RNF152: variants seen among roughly 807,000 people sequenced by gnomAD.
RNF152 encodes E3 ubiquitin-protein ligase RNF152.
RNF152 carries 11 observed loss-of-function variants against 12.7 expected under a neutral mutation model. That is an observed-to-expected ratio of 0.86 (90% CI 0.54 to 1.43). The LOEUF is 1.43. Ranked by LOEUF, RNF152 falls within the 40% of genes most tolerant of loss-of-function variation. The pLI is 0.00. For synonymous variants in RNF152, 113 were observed against 120.3 expected (o/e 0.94, Z 0.40); for missense variants, 255 against 274.8 (o/e 0.93, Z 0.51).
At chr18:61,833,922 T>C (rs1029344501) in intron 1 of RNF152, among the ~76,000 whole-genome samples, 4 of 152,172 alleles carry the variant, frequency 2.6e-5, no homozygotes, top group Non-Finnish European at 5.9e-5. Flanking sequence ...AAATATCAGA[T>C]GCGCTAAGAA....
rs1359180449 is a variant in RNF152, at chr18:61,885,626, T to G, written c.-136+7169A>C. Among the ~76,000 whole-genome samples the G allele has an allele frequency of 2.0e-5, 3 of 152,202 alleles. 1 individual carries two copies. Among genetic ancestry groups the G allele is most frequent in the Middle Eastern group, 6.3e-3 (2 of 316 alleles). ...CCCAGCCGAGAGCGTTATTTTAATA[T>G]TAATGTATTTCTGGTCATTTTCTTC... On this transcript the variant is annotated intron_variant, in intron 1 of 1. Transcript: ENST00000312828.
intron 1 of RNF152, among the ~76,000 whole-genome samples, chr18:61,852,105 C>A (rs1237524105): frequency 6.6e-6 from 1 of 152,108 alleles, no homozygotes; most frequent in African/African-American, 2.4e-5. Context: ...TATGACGAGG[C>A]CAGCAGCAAT....
At position 61,814,184 on chromosome 18, in the gene RNF152, T is replaced by C. The variant is rs1379351430; in HGVS notation, c.*1668A>G. On this transcript the variant is annotated 3_prime_UTR_variant, in exon 2 of 2. Coordinates refer to ENST00000312828, the MANE Select transcript of RNF152 (RefSeq NM_173557.3). ...TATTTCACATTAATTCCATCACTTTTATATGCATATTTTGTGCTGCTTGAA... is the reference window on the plus strand; with the variant it reads ...TATTTCACATTAATTCCATCACTTTCATATGCATATTTTGTGCTGCTTGAA... The C allele has an allele frequency of 1.3e-5, 2 of 152,252 alleles. No homozygotes were observed. Among genetic ancestry groups the C allele is most frequent in the African/African-American group, 4.8e-5 (2 of 41,468 alleles). 9.4% of individuals were successfully genotyped at this position (152,252 alleles called of 1,614,324 possible).
At chr18:61,877,816 C>T (rs930046286) in intron 1 of RNF152, among the ~76,000 whole-genome samples, 2 of 152,184 alleles carry the variant, frequency 1.3e-5, no homozygotes, top group African/African-American at 2.4e-5. Context: ...GGCACGGCTG[C>T]TTCAGCAAAG....
intron 1 of RNF152, among the ~76,000 whole-genome samples, chr18:61,891,192 T>C (rs771988282): frequency 1.3e-5 from 2 of 152,220 alleles, no homozygotes; most frequent in East Asian, 1.9e-4. Flanking sequence ...ATCAGCCTAA[T>C]AGCCTCTAGG....
At chr18:61,833,491 TTTAA>T (rs1350782757) in intron 1 of RNF152, among the ~76,000 whole-genome samples, 1 of 152,166 alleles carries the variant, frequency 6.6e-6, no homozygotes, top group African/African-American at 2.4e-5. Context: ...AAATGATGGT[TTTAA>T]TTGTCGAAAC....
intron 1 of RNF152, among the ~76,000 whole-genome samples, chr18:61,864,794 G>A (rs1473020938): frequency 6.6e-6 from 1 of 152,182 alleles, no homozygotes; most frequent in Admixed American, 6.5e-5. Flanking sequence ...CGCCTGCCGA[G>A]GCAGGTGGAT....
At chr18:61,851,304 G>A (rs1026733505) in intron 1 of RNF152, among the ~76,000 whole-genome samples, 11 of 152,108 alleles carry the variant, frequency 7.2e-5, no homozygotes, top group African/African-American at 2.2e-4. Flanking sequence ...TCACAAGGGT[G>A]TCCACTCTGC....
intron 1 of RNF152, among the ~76,000 whole-genome samples, chr18:61,850,146 T>C (rs905286272): frequency 1.3e-5 from 2 of 152,248 alleles, no homozygotes; most frequent in African/African-American, 4.8e-5. Context: ...TGGAATCAAA[T>C]GGAAGACCTT....
In RNF152 at chr18:61,809,112, G is replaced by A. The variant is rs1338213277; in HGVS notation, c.*6740C>T. 5 of 152,078 alleles carry A rather than the reference G, an allele frequency of 3.3e-5. No homozygotes were observed. Among genetic ancestry groups the A allele is most frequent in the South Asian group, 4.2e-4 (2 of 4,808 alleles). 9.4% of individuals were successfully genotyped at this position (152,078 alleles called of 1,614,324 possible). ...CTTCAGCTCCTATATGTCTTGTTTT[G>A]CAGCTATACTCTTCCTTTATTAAGT... On this transcript the variant is annotated 3_prime_UTR_variant, in exon 2 of 2. Coordinates refer to ENST00000312828, the MANE Select transcript of RNF152 (RefSeq NM_173557.3).
intron 1 of RNF152, among the ~76,000 whole-genome samples, chr18:61,853,128 T>G (rs1398073851): frequency 2.0e-5 from 3 of 152,186 alleles, no homozygotes; most frequent in Non-Finnish European, 4.4e-5. Context: ...AGTTTCCTAC[T>G]GCCACTGTAA....
chr18:61,829,489 G>A lies in RNF152; in HGVS notation c.-135-12891C>T, dbSNP rs562741776. 3.3e-5 allele frequency among the ~76,000 whole-genome samples: 5 copies of A among 151,738 alleles called. No homozygotes were observed. In the East Asian group the frequency reaches 5.8e-4, roughly 18 times the overall value. On this transcript the variant is annotated intron_variant, in intron 1 of 1. Transcript: ENST00000312828. ...CAAAACAAGGCCCAGGGAGAGAGGA[G>A]AGAGGGGAGAGAGAGATATATATAT...
At chr18:61,855,416 CTG>C (rs1911177943) in intron 1 of RNF152, among the ~76,000 whole-genome samples, 1 of 152,276 alleles carries the variant, frequency 6.6e-6, no homozygotes, top group Non-Finnish European at 1.5e-5. Context: ...GCAGCCAGGA[CTG>C]TGCGTTCCAT....
At chr18:61,862,354 C>A (rs374531673) in intron 1 of RNF152, among the ~76,000 whole-genome samples, 3 of 152,208 alleles carry the variant, frequency 2.0e-5, no homozygotes, top group African/African-American at 4.8e-5. Context: ...TCAGTTGGAT[C>A]AGGGACTGCC....
chr18:61,851,117 C>T (rs1434258097), intron 1 of RNF152, among the ~76,000 whole-genome samples: 1 of 151,054 alleles, frequency 6.6e-6, no homozygotes, highest in African/African-American at 2.4e-5. Flanking sequence ...AACTTATGAT[C>T]TGACTGTGGT....
At chr18:61,872,425 G>A (rs80046594) in intron 1 of RNF152, among the ~76,000 whole-genome samples, 4,855 of 152,238 alleles carry the variant, frequency 0.032, 268 homozygotes, top group African/African-American at 0.11. Flanking sequence ...AACAATGCTT[G>A]TTTAAAAATC....
rs1912475561 is a variant in RNF152 at position 61,881,830 on chromosome 18, C to T, written c.-136+10965G>A. Among the ~76,000 whole-genome samples, 4 of 152,198 alleles carry T rather than the reference C, an allele frequency of 2.6e-5. No individual in the cohort carries two copies. The South Asian group carries it at 8.3e-4, about 31-fold the overall frequency. The stretch of plus-strand genomic sequence containing the variant: ...GAAATAAATTTGGGGTGAAATCTGA[C>T]ATATTCTTATTTCCTTCTCAGAGAA... On this transcript the variant is annotated intron_variant, in intron 1 of 1. Transcript: ENST00000312828.
At chr18:61,869,011 G>T (rs1192925110) in intron 1 of RNF152, among the ~76,000 whole-genome samples, 1 of 152,172 alleles carries the variant, frequency 6.6e-6, no homozygotes, top group African/African-American at 2.4e-5. Context: ...TTCACCATTT[G>T]TAAGAACACA....
At chr18:61,860,709 C>T (rs932688005) in intron 1 of RNF152, among the ~76,000 whole-genome samples, 2 of 152,118 alleles carry the variant, frequency 1.3e-5, no homozygotes, top group African/African-American at 2.4e-5. Context: ...CTGTAAAATG[C>T]CCCAGGCAAG....
Sources: gnomAD v4.1 joint callset for allele counts (sites outside exome capture counted in the v4.1 genomes callset) on GRCh38, gnomAD v4.1.1 for gene constraint, MANE v1.5 for transcripts, NCBI Gene and HGNC (gene_info 2026-07-23, HGNC 2026-07-21) for gene names.